Variants in HEBP1 observed in about 807,000 individuals in gnomAD.
The protein encoded by HEBP1 is heme binding protein 1.
Under a neutral mutation model 20.4 loss-of-function variants are expected in HEBP1, and 13 were observed. That is an observed-to-expected ratio of 0.64 (90% CI 0.42 to 1.01). The LOEUF (loss-of-function observed/expected upper bound fraction) is 1.01, where lower values mean the gene tolerates loss of function less well. Ranked by LOEUF, HEBP1 falls within the 50% of genes least tolerant of loss-of-function variation. The probability of loss-of-function intolerance (pLI) is 0.00; values close to 1 mark genes in which losing one functional copy is unlikely to be tolerated. For missense variants in HEBP1, 241 were observed against 247.3 expected (o/e 0.97, Z 0.17); for synonymous variants, 92 against 90.7 (o/e 1.01, Z -0.08).
intron 3 of HEBP1, chr12:12,983,730 T>G (rs1377678032): frequency 2.0e-5 from 9 of 455,974 alleles, no homozygotes; most frequent in African/African-American, 1.8e-4. Context: ...CATTTGGCAC[T>G]TTCAGCTGTT....
chr12:12,988,452 A>G (rs186672906), intron 2 of HEBP1, among the ~76,000 whole-genome samples: 231 of 152,312 alleles, frequency 1.5e-3, no homozygotes, highest in Non-Finnish European at 2.6e-3. Flanking sequence ...AAGTAAGTAA[A>G]GGAATAAAAG....
At position 12,989,290 on chromosome 12, in the gene HEBP1, GC is replaced by G; in HGVS notation, c.203del (p.Gly68AlafsTer11). The G allele has an allele frequency of 1.2e-6, 2 of 1,614,000 alleles. No homozygotes were observed. Among genetic ancestry groups the G allele is most frequent in the Non-Finnish European group, 8.5e-7 (1 of 1,179,978 alleles). On this transcript the variant is annotated frameshift_variant, in exon 2 of 4. Transcript: ENST00000014930. LOFTEE classifies it high-confidence loss of function. ...AGGGGTACTCACCCTTGTCATTGGT[GC>G]CCCCCGCATACTTTGCGACCTTGGG... ...AMPKVAKYAG[G>X]TNDKGIGMGM...
chr12:12,994,765 A>T (rs1364285797), intron 1 of HEBP1, among the ~76,000 whole-genome samples: 4 of 152,050 alleles, frequency 2.6e-5, no homozygotes, highest in Admixed American at 2.6e-4. Flanking sequence ...CAAACTGTCC[A>T]TTGGGTAGTT....
In HEBP1 at chr12:12,982,052, A is replaced by G. The variant is rs140248283; in HGVS notation, c.398+5100T>C. Among the ~76,000 whole-genome samples the G allele has an allele frequency of 2.5e-3, 375 of 152,244 alleles. 8 individuals are homozygous for G. Among genetic ancestry groups the G allele is most frequent in the Non-Finnish European group, 1.0e-3 (68 of 68,002 alleles). ...TGCCCAGGCTGGTCTCGAACTCCTA[A>G]GCTCAGGTGATCCACCTGCCTTGGC... On this transcript the variant is annotated intron_variant, in intron 3 of 3. Coordinates refer to ENST00000014930, the MANE Select transcript of HEBP1 (RefSeq NM_015987.5).
In HEBP1 at chr12:12,998,204, T is replaced by C. The variant is rs1864314026; in HGVS notation, c.78+1833A>G. On this transcript the variant is annotated intron_variant, in intron 1 of 3. Coordinates refer to ENST00000014930, the MANE Select transcript of HEBP1 (RefSeq NM_015987.5). This position sits in a 1 kb window ranked among gnomAD's most constrained non-coding sequence, Gnocchi z 4.2. ...TCCATGATACATTTTATTTGTTCAT[T>C]AGCCAATAAAACATAAGTTCCATGA... Among the ~76,000 whole-genome samples, 1 of 152,168 alleles carries C rather than the reference T, an allele frequency of 6.6e-6. No homozygotes were observed. Among genetic ancestry groups the C allele is most frequent in the African/African-American group, 2.4e-5 (1 of 41,448 alleles).
intron 3 of HEBP1, chr12:12,983,657 G>C: frequency 2.2e-6 from 1 of 455,934 alleles, no homozygotes; most frequent in South Asian, 1.5e-5. Context: ...GCGAGTTGAG[G>C]AATGATCATA....
Position 12,986,895 on chromosome 12 carries a change from C to T in HEBP1, c.398+257G>A, listed in dbSNP as rs1360639919. On this transcript the variant is annotated intron_variant, in intron 3 of 3. Transcript: ENST00000014930. The surrounding 1 kb of genome is among the most constrained non-coding windows in gnomAD (Gnocchi z 4.3). ...CCCTGCTATGGCTAATGTAGACATT[C>T]ACTGTAAGCTTAAGCAAAGCTTAAG... 2 of 411,512 alleles carry T rather than the reference C, an allele frequency of 4.9e-6. No individual in the cohort carries two copies. Among genetic ancestry groups the T allele is most frequent in the African/African-American group, 4.1e-5 (2 of 49,092 alleles). 25.5% of individuals were successfully genotyped at this position (411,512 alleles called of 1,614,324 possible).
intron 1 of HEBP1, among the ~76,000 whole-genome samples, chr12:12,993,590 C>T (rs560799759): frequency 4.2e-4 from 63 of 151,054 alleles, no homozygotes; most frequent in African/African-American, 1.3e-3. Context: ...ATACTTTGGG[C>T]GGACAGTTGT....
Position 12,996,490 on chromosome 12 carries a change from A to G in HEBP1, c.78+3547T>C. On this transcript the variant is annotated intron_variant, in intron 1 of 3. Coordinates refer to ENST00000014930, the MANE Select transcript of HEBP1 (RefSeq NM_015987.5). The surrounding 1 kb of genome is among the most constrained non-coding windows in gnomAD (Gnocchi z 4.1). ...GCCAAGTACTTGGAATCAGTCCCCAACATCTGGTGAGCCTGAAGCCCATGC... is the reference window on the plus strand; with the variant it reads ...GCCAAGTACTTGGAATCAGTCCCCAGCATCTGGTGAGCCTGAAGCCCATGC... 6.6e-6 allele frequency among the ~76,000 whole-genome samples: 1 copy of G among 152,188 alleles called. No homozygotes were observed. Among genetic ancestry groups the G allele is most frequent in the Non-Finnish European group, 1.5e-5 (1 of 68,034 alleles).
Position 12,989,566 on chromosome 12 carries a change from T to C in HEBP1, c.79-151A>G, listed in dbSNP as rs533935823. ...CCTGAGTATGAAGGGCCATGAGAAA[T>C]AGATTCTGGGATTCTTGTAGAGACA... On this transcript the variant is annotated intron_variant, in intron 1 of 3. Transcript: ENST00000014930. 2.7e-4 allele frequency: 168 copies of C among 626,394 alleles called. 3 individuals are homozygous for C. In the South Asian group the frequency reaches 3.3e-3, roughly 12 times the overall value. The allele number at this position is 626,394 out of a possible 1,614,324, so 38.8% of individuals were successfully genotyped here. A position where few individuals can be genotyped will look rare whatever the true frequency, so the allele number is the denominator to read the frequency against.
chr12:12,998,974 G>A lies in HEBP1; in HGVS notation c.78+1063C>T, dbSNP rs1864321891. Among the ~76,000 whole-genome samples, 8 of 152,246 alleles carry A rather than the reference G, an allele frequency of 5.3e-5. No homozygotes were observed. The South Asian group carries it at 1.7e-3, about 32-fold the overall frequency. ...GGCCAAAAGCAATGGTACAGCTCTGGGCCTTTGTGCATGCTCTTCTCTGTT... is the reference window on the plus strand; with the variant it reads ...GGCCAAAAGCAATGGTACAGCTCTGAGCCTTTGTGCATGCTCTTCTCTGTT... On this transcript the variant is annotated intron_variant, in intron 1 of 3. Transcript: ENST00000014930. The surrounding 1 kb of genome is among the most constrained non-coding windows in gnomAD (Gnocchi z 4.2).
At chr12:12,993,195 C>A (rs115639426) in intron 1 of HEBP1, among the ~76,000 whole-genome samples, 2,754 of 123,510 alleles carry the variant, frequency 0.022, 86 homozygotes, top group African/African-American at 0.082. Flanking sequence ...CTTTCTCTTT[C>A]TTACAGGGTC....
chr12:12,984,564 A>T lies in HEBP1; in HGVS notation c.398+2588T>A, dbSNP rs974579199. 5 of 152,238 alleles carry T rather than the reference A, an allele frequency of 3.3e-5. No homozygotes were observed. In the South Asian group the frequency reaches 1.0e-3, roughly 32 times the overall value. 9.4% of individuals were successfully genotyped at this position (152,238 alleles called of 1,614,324 possible). A position where few individuals can be genotyped will look rare whatever the true frequency, so the allele number is the denominator to read the frequency against. ...AGTACAGATAATAAGAAGACAAATG[A>T]TCCACAGATGGAAAGGAAGAATGTA... is the stretch of plus-strand genomic sequence containing the variant. On this transcript the variant is annotated intron_variant, in intron 3 of 3. Transcript: ENST00000014930.
intron 2 of HEBP1, among the ~76,000 whole-genome samples, chr12:12,987,714 T>C (rs1864172206): frequency 6.6e-6 from 1 of 151,812 alleles, no homozygotes; most frequent in African/African-American, 2.4e-5. Flanking sequence ...CTGTAAACTC[T>C]GCCTCCTGGG....
At chr12:12,992,162 G>A (rs1864231310) in intron 1 of HEBP1, among the ~76,000 whole-genome samples, 1 of 152,206 alleles carries the variant, frequency 6.6e-6, no homozygotes. Flanking sequence ...AGGCAGGACT[G>A]TACGGCTGTG....
chr12:12,999,960 G>A, intron 1 of HEBP1, 77 bp downstream of exon 1: 1 of 980,706 alleles, frequency 1.0e-6, no homozygotes, highest in Non-Finnish European at 1.6e-6. Context: ...CTGCCCCTCA[G>A]CACCCGCTGC....
intron 3 of HEBP1, chr12:12,984,083 G>A (rs919257907): frequency 1.6e-5 from 3 of 185,026 alleles, no homozygotes; most frequent in African/African-American, 2.4e-5. Context: ...CTCAAAAAAC[G>A]AAGATGCAGA....
At chr12:12,976,091 A>C (rs1293738451) in intron 3 of HEBP1, among the ~76,000 whole-genome samples, 9 of 151,664 alleles carry the variant, frequency 5.9e-5, no homozygotes, top group East Asian at 1.9e-4. Flanking sequence ...AAAAAAAAAA[A>C]AAAAAAAACA....
intron 1 of HEBP1, among the ~76,000 whole-genome samples, chr12:12,999,805 T>C (rs1244001002): frequency 6.6e-6 from 1 of 152,210 alleles, no homozygotes; most frequent in African/African-American, 2.4e-5. Flanking sequence ...CTTGGATCAG[T>C]CTCTCCTGTT....
Sources: allele counts gnomAD v4.1 joint callset (sites outside exome capture counted in the v4.1 genomes callset), GRCh38; gene constraint gnomAD v4.1.1; non-coding constraint Gnocchi (gnomAD v3.1); transcripts MANE v1.5; gene names NCBI Gene and HGNC (gene_info 2026-07-23, HGNC 2026-07-21).